NELL1: variants seen among roughly 807,000 people sequenced by gnomAD.
NELL1 encodes the protein neural EGFL like 1, also known as protein kinase C-binding protein NELL1.
A neutral mutation model predicts 107.4 loss-of-function variants in NELL1; 76 were observed. The ratio of observed to expected loss-of-function variants is 0.71; its 90% CI spans 0.59 to 0.86. NELL1 has a LOEUF of 0.86. NELL1 is among the 40% of genes least tolerant of loss of function. NELL1 has a pLI of 0.00. For synonymous variants in NELL1, 353 were observed against 341.2 expected (o/e 1.03, Z -0.38); for missense variants, 1,024 against 1,005.5 (o/e 1.02, Z -0.25).
In NELL1 at chr11:20,892,968, T is replaced by C. The variant is rs565589948; in HGVS notation, c.603+7428T>C. On this transcript the variant is annotated intron_variant, in intron 5 of 19. Transcript: ENST00000357134. ...AAAAACAGACACATGTACATGTATG[T>C]TTATTGCAGCACTATTCACAATAGC... is the stretch of plus-strand genomic sequence containing the variant. 5.3e-5 allele frequency among the ~76,000 whole-genome samples: 8 copies of C among 151,418 alleles called. 1 individual carries two copies. Among genetic ancestry groups the C allele is most frequent in the African/African-American group, 1.9e-4 (8 of 41,320 alleles).
chr11:21,435,055 T>C (rs1853072301), intron 15 of NELL1, among the ~76,000 whole-genome samples: 1 of 152,156 alleles, frequency 6.6e-6, no homozygotes, highest in African/African-American at 2.4e-5. Flanking sequence ...ACCGAATTTG[T>C]TGATTACTTC....
intron 4 of NELL1, among the ~76,000 whole-genome samples, chr11:20,853,430 C>CTCAT (rs1029376944): frequency 9.9e-5 from 15 of 152,140 alleles, no homozygotes; most frequent in African/African-American, 1.4e-4. Flanking sequence ...GTCTAATTTT[C>CTCAT]TCATTCATTC....
At chr11:21,106,790 T>A (rs1301180988) in intron 12 of NELL1, among the ~76,000 whole-genome samples, 3 of 152,110 alleles carry the variant, frequency 2.0e-5, no homozygotes, top group African/African-American at 7.2e-5. Flanking sequence ...CCCCTTGCTT[T>A]AGGGAGGACG....
At chr11:21,243,967 G>A in intron 14 of NELL1, among the ~76,000 whole-genome samples, 1 of 152,086 alleles carries the variant, frequency 6.6e-6, no homozygotes, top group Non-Finnish European at 1.5e-5. Context: ...ATGTTGAGCA[G>A]CCCAAGTCTG....
intron 4 of NELL1, among the ~76,000 whole-genome samples, chr11:20,853,203 T>C (rs57511545): frequency 6.6e-6 from 1 of 151,852 alleles, no homozygotes; most frequent in East Asian, 1.9e-4. Context: ...TAGTATCGAG[T>C]TGGTAGTGAG....
intron 13 of NELL1, among the ~76,000 whole-genome samples, chr11:21,131,604 A>G (rs1855619947): frequency 6.6e-6 from 1 of 152,164 alleles, no homozygotes; most frequent in Admixed American, 6.5e-5. Flanking sequence ...CTACAATGAT[A>G]TGTACTTACT....
chr11:21,369,462 G>T (rs1383469424), intron 14 of NELL1, among the ~76,000 whole-genome samples: 1 of 151,254 alleles, frequency 6.6e-6, no homozygotes, highest in African/African-American at 2.4e-5. Flanking sequence ...TTTGGCAGAG[G>T]CAGAGGAAGT....
chr11:21,454,757 G>A (rs1329422143), intron 15 of NELL1, among the ~76,000 whole-genome samples: 1 of 152,156 alleles, frequency 6.6e-6, no homozygotes, highest in Non-Finnish European at 1.5e-5. Context: ...TTCTTTCTGT[G>A]TCCTCATATG....
At chr11:20,886,034 T>G (rs931534950) in intron 5 of NELL1, among the ~76,000 whole-genome samples, 1 of 152,190 alleles carries the variant, frequency 6.6e-6, no homozygotes, top group African/African-American at 2.4e-5. Flanking sequence ...TATTCTCACT[T>G]ATAAGTGGGA....
intron 14 of NELL1, among the ~76,000 whole-genome samples, chr11:21,230,603 C>A (rs1358992593): frequency 6.6e-6 from 1 of 152,114 alleles, no homozygotes. Flanking sequence ...AAATAACTTG[C>A]CCAAAGATAC....
intron 2 of NELL1, among the ~76,000 whole-genome samples, chr11:20,779,129 C>T (rs527354328): frequency 1.4e-4 from 21 of 152,232 alleles, no homozygotes; most frequent in Non-Finnish European, 1.0e-4. Flanking sequence ...AACTGTAATT[C>T]ACCAGTTAAT....
At chr11:21,058,996 G>A (rs1853673913) in intron 12 of NELL1, among the ~76,000 whole-genome samples, 1 of 152,080 alleles carries the variant, frequency 6.6e-6, no homozygotes, top group African/African-American at 2.4e-5. Flanking sequence ...ACCTTTGGTG[G>A]CCAATCATCA....
chr11:21,384,629 A>G (rs2133773528), intron 15 of NELL1, among the ~76,000 whole-genome samples: 1 of 151,694 alleles, frequency 6.6e-6, no homozygotes, highest in South Asian at 2.1e-4. Flanking sequence ...CCAGAGTGTG[A>G]TGTTCCCCTT....
At chr11:20,932,865 A>C (rs144653888) in intron 9 of NELL1, among the ~76,000 whole-genome samples, 121 of 152,354 alleles carry the variant, frequency 7.9e-4, no homozygotes, top group Non-Finnish European at 3.1e-4. Flanking sequence ...TGGAAGACAC[A>C]GAAGTCACAC....
intron 2 of NELL1, among the ~76,000 whole-genome samples, chr11:20,706,787 C>CT (rs745616439): frequency 6.6e-6 from 1 of 152,162 alleles, no homozygotes; most frequent in Non-Finnish European, 1.5e-5. Flanking sequence ...GTAACCCAAC[C>CT]TTTCTCTCTG....
At chr11:20,697,357 A>G (rs1854646091) in intron 2 of NELL1, among the ~76,000 whole-genome samples, 1 of 150,444 alleles carries the variant, frequency 6.6e-6, no homozygotes, top group Admixed American at 6.6e-5. Context: ...ATAAAAGTGA[A>G]TTAGAATATG....
intron 12 of NELL1, among the ~76,000 whole-genome samples, chr11:21,017,114 T>C (rs1852583288): frequency 6.6e-6 from 1 of 152,048 alleles, no homozygotes. Context: ...CAGGAACACT[T>C]TCCCAGCATT....
intron 14 of NELL1, among the ~76,000 whole-genome samples, chr11:21,296,196 G>A (rs992424623): frequency 1.2e-4 from 18 of 151,798 alleles, no homozygotes; most frequent in African/African-American, 4.4e-4. Flanking sequence ...TATTATCCCA[G>A]TTCTGTTATT....
intron 8 of NELL1, 130 bp downstream of exon 8, chr11:20,927,572 C>G: frequency 1.3e-6 from 1 of 746,150 alleles, no homozygotes; most frequent in Non-Finnish European, 2.1e-6. Context: ...CTAGCACCCA[C>G]TAGCCATACG....
Sources: gnomAD v4.1 joint callset for allele counts (sites outside exome capture counted in the v4.1 genomes callset) on GRCh38, gnomAD v4.1.1 for gene constraint, MANE v1.5 for transcripts, NCBI Gene and HGNC (gene_info 2026-07-23, HGNC 2026-07-21) for gene names.